SLTM: variants seen among roughly 807,000 people sequenced by gnomAD.
The protein encoded by SLTM is SAFB-like transcription modulator.
SLTM carries 43 observed loss-of-function variants against 134.6 expected under a neutral mutation model. The ratio of observed to expected loss-of-function variants is 0.32; its 90% CI spans 0.25 to 0.41. SLTM has a LOEUF of 0.41. Ranked by LOEUF, SLTM falls within the 10% of genes least tolerant of loss-of-function variation. The probability of loss-of-function intolerance (pLI) is 1.00; values close to 1 mark genes in which losing one functional copy is unlikely to be tolerated. For missense variants in SLTM, 1,055 were observed against 1,288.8 expected (o/e 0.82, Z 2.78); for synonymous variants, 424 against 432.3 (o/e 0.98, Z 0.24).
intron 10 of SLTM, 81 bp downstream of exon 10, chr15:58,894,352 T>C: frequency 1.3e-6 from 2 of 1,510,166 alleles, no homozygotes; most frequent in Non-Finnish European, 1.8e-6. Context: ...CAAATTCTAC[T>C]CCCTGCTACT....
chr15:58,904,518 T>TATA (rs1463858401), intron 5 of SLTM, among the ~76,000 whole-genome samples: 1 of 151,256 alleles, frequency 6.6e-6, no homozygotes, highest in Non-Finnish European at 1.5e-5. Flanking sequence ...GATCACTATC[T>TATA]AAGACCATTA....
rs1280541801 is a variant in SLTM at position 58,886,258 on chromosome 15, T to TGTGG, written c.2835+716_2835+717insCCAC. Among the ~76,000 whole-genome samples the TGTGG allele has an allele frequency of 4.1e-5, 6 of 145,016 alleles. No homozygotes were observed. The East Asian group carries it at 1.2e-3, about 29-fold the overall frequency. ...GTGTGTGTGTGTGTGTGTGTGTGTG[T>TGTGG]GTGTGTGTATTTTTTTTTTTTTTTT... is the stretch of plus-strand genomic sequence containing the variant. On this transcript the variant is annotated intron_variant, in intron 19 of 20. Transcript: ENST00000380516.
Position 58,933,478 on chromosome 15 carries a change from G to A in SLTM, c.88C>T (p.Leu30=), listed in dbSNP as rs2038047165. The change falls in exon 1 of 21, where the codon CTG becomes TTG. Residue 30 remains leucine (L), a synonymous_variant. Coordinates refer to ENST00000380516, the MANE Select transcript of SLTM (RefSeq NM_024755.4). ...KKITDLRVID[L]KSELKRRNLD... ...TTCCGCCGCTTCAGCTCGGACTTCA[G>A]ATCGATGACCCGCAGATCGGTGATC... 1 of 1,598,862 alleles carries A rather than the reference G, an allele frequency of 6.3e-7. No individual in the cohort carries two copies. The highest frequency in any genetic ancestry group is 8.5e-7 in the Non-Finnish European group (1 of 1,173,398).
At chr15:58,929,830 G>A (rs567693393) in intron 2 of SLTM, among the ~76,000 whole-genome samples, 1 of 152,040 alleles carries the variant, frequency 6.6e-6, no homozygotes, top group East Asian at 1.9e-4. Flanking sequence ...AAGCAAAACT[G>A]GCTCTAAAGA....
chr15:58,927,946 A>T (rs563897009), intron 2 of SLTM, among the ~76,000 whole-genome samples: 1 of 152,372 alleles, frequency 6.6e-6, no homozygotes, highest in Admixed American at 6.5e-5. Flanking sequence ...AGCTTTACAG[A>T]GTAAACATGT....
intron 2 of SLTM, 161 bp downstream of exon 2, chr15:58,932,195 A>C: frequency 3.3e-6 from 2 of 602,336 alleles, no homozygotes; most frequent in South Asian, 3.9e-5. Flanking sequence ...AAGTCACCCA[A>C]AGCCTGGCAA....
intron 5 of SLTM, among the ~76,000 whole-genome samples, chr15:58,902,371 T>C: frequency 7.0e-6 from 1 of 143,700 alleles, no homozygotes; most frequent in Non-Finnish European, 1.5e-5. Context: ...TACGCTTGGC[T>C]TAAGAAATGT....
intron 5 of SLTM, among the ~76,000 whole-genome samples, chr15:58,908,798 G>C (rs1438262996): frequency 6.6e-6 from 1 of 152,230 alleles, no homozygotes; most frequent in African/African-American, 2.4e-5. Context: ...CATCCCCAGA[G>C]GGAAACACCC....
In SLTM at chr15:58,886,963, C is replaced by T. The variant is rs780416914; in HGVS notation, c.2835+12G>A. On this transcript the variant is annotated intron_variant, in intron 19 of 20. Coordinates refer to ENST00000380516, the MANE Select transcript of SLTM (RefSeq NM_024755.4). ...GTGTGCAGGCTCGCGGCAAGCCTCC[C>T]GCAGCACTTACCTGTGATCCACCTC... The T allele has an allele frequency of 1.4e-5, 22 of 1,611,838 alleles. No homozygotes were observed. The highest frequency in any genetic ancestry group is 4.5e-5 in the East Asian group (2 of 44,890).
At chr15:58,889,362 T>G (rs2034485255) in intron 16 of SLTM, 68 bp downstream of exon 16, 11 of 1,585,256 alleles carry the variant, frequency 6.9e-6, no homozygotes, top group Non-Finnish European at 9.5e-6. Context: ...ACTTTCTAAT[T>G]CTCTAGTCTT....
chr15:58,888,527 T>C lies in SLTM; in HGVS notation c.2233A>G (p.Lys745Glu). ...RRDDPYWSEN[K>E]KLSLDTDARF... ...GCATCTGTATCTAGAGACAACTTTTTATTCTCGCTCCAGTAAGGATCATCT... is the reference window on the plus strand; with the variant it reads ...GCATCTGTATCTAGAGACAACTTTTCATTCTCGCTCCAGTAAGGATCATCT... Residue 745 changes from lysine (K) to glutamate (E), a missense_variant, in exon 17 of 21, where the codon AAA (lysine) becomes GAA (glutamate). Around this residue, in one of 3 missense-constraint regions of SLTM, gnomAD observed 776 missense variants for 962.2 expected, o/e 0.81. Transcript: ENST00000380516. The C allele has an allele frequency of 6.2e-7, 1 of 1,614,142 alleles. No homozygotes were observed. Among genetic ancestry groups the C allele is most frequent in the Non-Finnish European group, 8.5e-7 (1 of 1,180,030 alleles).
Position 58,887,467 on chromosome 15 carries a change from C to T in SLTM, c.2449G>A (p.Glu817Lys). ...TCACTGAAATTTTTGGGATATCTTT[C>T]GAAGCTTGGATCTTCCCTTCGTGCA... ...PTARREDPSF[E>K]RYPKNFSDSR... Residue 817 changes from glutamate (E) to lysine (K), a missense_variant, in exon 18 of 21, where the codon GAA (glutamate) becomes AAA (lysine). Glu to Lys is a moderately conservative substitution (Grantham distance 56). Around this residue, in one of 3 missense-constraint regions of SLTM, gnomAD observed 776 missense variants for 962.2 expected, o/e 0.81. Coordinates refer to ENST00000380516, the MANE Select transcript of SLTM (RefSeq NM_024755.4). The T allele has an allele frequency of 3.7e-6, 6 of 1,614,028 alleles. No individual in the cohort carries two copies. Among genetic ancestry groups the T allele is most frequent in the South Asian group, 1.1e-5 (1 of 91,066 alleles).
chr15:58,886,608 G>C (rs182960326), intron 19 of SLTM, among the ~76,000 whole-genome samples: 1 of 152,218 alleles, frequency 6.6e-6, no homozygotes, highest in Non-Finnish European at 1.5e-5. Context: ...GGAAACACAA[G>C]TAGGGGCCAA....
chr15:58,932,531 A>G (rs2037950070), intron 1 of SLTM, 88 bp from the exon 2 acceptor site: 2 of 917,952 alleles, frequency 2.2e-6, no homozygotes, highest in Middle Eastern at 3.0e-4. Context: ...AGCAAACCTC[A>G]AGCCTCAAGA....
Position 58,888,472 on chromosome 15 carries a change from C to T in SLTM, c.2288G>A (p.Arg763His), listed in dbSNP as rs376278699. Residue 763 changes from arginine (R) to histidine (H), a missense_variant, in exon 17 of 21, where the codon CGC becomes CAC. By Grantham distance (29) the Arg-to-His change is conservative. Coordinates refer to ENST00000380516, the MANE Select transcript of SLTM (RefSeq NM_024755.4). ...ARFGHGSDYSRQQNRFNDFDH... is the reference protein window; with the variant it reads ...ARFGHGSDYSHQQNRFNDFDH... The stretch of plus-strand genomic sequence containing the variant: ...AAAGTCATTAAATCTGTTCTGTTGG[C>T]GAGAGTAGTCGGATCCATGGCCAAA... 1.2e-5 allele frequency: 19 copies of T among 1,613,650 alleles called. No individual in the cohort carries two copies. The highest frequency in any genetic ancestry group is 5.3e-5 in the African/African-American group (4 of 74,820).
chr15:58,886,253 G>A (rs1297463962), intron 19 of SLTM, among the ~76,000 whole-genome samples: 7 of 129,192 alleles, frequency 5.4e-5, no homozygotes, highest in Non-Finnish European at 1.7e-5. Context: ...GTGTGTGTGT[G>A]TGTGTGTGTG....
chr15:58,903,407 A>C (rs1439191411), intron 5 of SLTM, among the ~76,000 whole-genome samples: 1 of 152,130 alleles, frequency 6.6e-6, no homozygotes, highest in Admixed American at 6.5e-5. Flanking sequence ...GCTTGTTGTA[A>C]AATTACCACA....
intron 5 of SLTM, among the ~76,000 whole-genome samples, chr15:58,908,812 C>CA (rs1322410800): frequency 6.6e-6 from 1 of 151,998 alleles, no homozygotes; most frequent in Non-Finnish European, 1.5e-5. Flanking sequence ...AACACCCTTG[C>CA]AAAAAATATG....
At chr15:58,912,165 T>A (rs1305569484) in intron 5 of SLTM, among the ~76,000 whole-genome samples, 1 of 150,514 alleles carries the variant, frequency 6.6e-6, no homozygotes, top group African/African-American at 2.5e-5. Flanking sequence ...AGTGGTGCAA[T>A]CTCGGCTCAC....
Sources: gnomAD v4.1 joint callset for allele counts (sites outside exome capture counted in the v4.1 genomes callset) on GRCh38, gnomAD v4.1.1 for gene constraint, gnomAD v4.1.1 regional missense constraint, MANE v1.5 for transcripts, NCBI Gene and HGNC (gene_info 2026-07-23, HGNC 2026-07-21) for gene names.